Variants in RMND5B observed in about 807,000 individuals in gnomAD.
RMND5B encodes the protein E3 ubiquitin-protein transferase RMND5B.
In RMND5B, 42 loss-of-function variants were observed where a neutral mutation model predicts 50.4. That is an observed-to-expected ratio of 0.83 (90% CI 0.65 to 1.08). RMND5B has a LOEUF of 1.08. Among genes scored for constraint, RMND5B ranks in the 50% least tolerant of loss-of-function variants. The pLI is 0.00. For synonymous variants in RMND5B, 220 were observed against 210.0 expected (o/e 1.05, Z -0.41); for missense variants, 463 against 508.5 (o/e 0.91, Z 0.86).
chr5:178,148,318 C>A lies in RMND5B; in HGVS notation c.*286C>A. The A allele has an allele frequency of 2.1e-6, 1 of 487,580 alleles. No homozygotes were observed. 30.2% of individuals were successfully genotyped at this position (487,580 alleles called of 1,614,324 possible). A position where few individuals can be genotyped will look rare whatever the true frequency, so the allele number is the denominator to read the frequency against. On this transcript the variant is annotated 3_prime_UTR_variant, in exon 11 of 11. Transcript: ENST00000313386. Reference sequence around the variant, plus strand: ...TTGCGTTTGACTTAGTAGCAACCGACAGAGTGGCAAGGGATTTGGTCTTCA... The same window carrying A: ...TTGCGTTTGACTTAGTAGCAACCGAAAGAGTGGCAAGGGATTTGGTCTTCA...
intron 2 of RMND5B, among the ~76,000 whole-genome samples, chr5:178,132,386 A>G (rs1257705956): frequency 6.6e-6 from 1 of 152,160 alleles, no homozygotes; most frequent in Non-Finnish European, 1.5e-5. Flanking sequence ...GGTTGCAATG[A>G]GCCAAGATCG....
rs1407797929 is a variant in RMND5B at position 178,137,061 on chromosome 5, G to A, written c.-12-1047G>A. Among the ~76,000 whole-genome samples the A allele has an allele frequency of 6.6e-6, 1 of 152,170 alleles. No homozygotes were observed. Among genetic ancestry groups the A allele is most frequent in the African/African-American group, 2.4e-5 (1 of 41,420 alleles). ...CAGGCTAGAGACAGCTGCTGAAGAC[G>A]CTGACGTCTGAGCTAACTCAGAAGT... On this transcript the variant is annotated intron_variant, in intron 2 of 10. Transcript: ENST00000313386. This position sits in a 1 kb window ranked among gnomAD's most constrained non-coding sequence, Gnocchi z 4.4.
chr5:178,147,884 G>A lies in RMND5B; in HGVS notation c.1118+1G>A. 1.9e-6 allele frequency: 3 copies of A among 1,614,128 alleles called. No homozygotes were observed. The South Asian group carries it at 3.3e-5, about 18-fold the overall frequency. On this transcript the variant is annotated splice_donor_variant, in intron 10 of 10. Coordinates refer to ENST00000313386, the MANE Select transcript of RMND5B (RefSeq NM_022762.5). LOFTEE classifies it high-confidence loss of function. ...TCAATAAGCTCATTAATGGAGGAAA[G>A]TAAGTTCCCCGTGCTCTACTCCACC...
At position 178,150,108 on chromosome 5, in the gene RMND5B, C is replaced by T; in HGVS notation, c.*2076C>T. The T allele has an allele frequency of 2.8e-6, 1 of 361,640 alleles. No homozygotes were observed. Among genetic ancestry groups the T allele is most frequent in the Non-Finnish European group, 5.1e-6 (1 of 194,770 alleles). The allele number at this position is 361,640 out of a possible 1,614,324, so 22.4% of individuals were successfully genotyped here. ...GGGCTGTCCCGGTCCCTGCCACCCC[C>T]ACTTCCTGTGCCTCAGATCTGGCCC... On this transcript the variant is annotated 3_prime_UTR_variant, in exon 11 of 11. Coordinates refer to ENST00000313386, the MANE Select transcript of RMND5B (RefSeq NM_022762.5).
In RMND5B at chr5:178,149,468, G is replaced by A; in HGVS notation, c.*1436G>A. The A allele has an allele frequency of 2.1e-6, 1 of 485,648 alleles. No individual in the cohort carries two copies. Among genetic ancestry groups the A allele is most frequent in the Non-Finnish European group, 3.8e-6 (1 of 262,412 alleles). The allele number at this position is 485,648 out of a possible 1,614,324, so 30.1% of individuals were successfully genotyped here. Reference sequence around the variant, plus strand: ...ACACCCACAGACTCACCACATTTTAGTCTTAGCATTTACTTTCCCCACCCC... The same window carrying A: ...ACACCCACAGACTCACCACATTTTAATCTTAGCATTTACTTTCCCCACCCC... On this transcript the variant is annotated 3_prime_UTR_variant, in exon 11 of 11. Transcript: ENST00000313386.
chr5:178,149,914 C>T lies in RMND5B; in HGVS notation c.*1882C>T. On this transcript the variant is annotated 3_prime_UTR_variant, in exon 11 of 11. Transcript: ENST00000313386. ...GCCAGGAAGTCACCAACTGATGACCCACCAGCCTAATCTGGCCCACAACCA... is the reference window on the plus strand; with the variant it reads ...GCCAGGAAGTCACCAACTGATGACCTACCAGCCTAATCTGGCCCACAACCA... The T allele has an allele frequency of 1.3e-6, 2 of 1,534,324 alleles. No individual in the cohort carries two copies. Among genetic ancestry groups the T allele is most frequent in the Non-Finnish European group, 1.8e-6 (2 of 1,118,472 alleles).
At chr5:178,145,775 A>G (rs112730404) in intron 7 of RMND5B, among the ~76,000 whole-genome samples, 1,620 of 152,312 alleles carry the variant, frequency 0.011, 26 homozygotes, top group African/African-American at 0.037. Flanking sequence ...GTTGCTCTAA[A>G]TGGAGATTAG....
intron 7 of RMND5B, 124 bp from the exon 8 acceptor site, chr5:178,145,990 T>A: frequency 1.1e-6 from 1 of 945,616 alleles, no homozygotes; most frequent in Non-Finnish European, 1.5e-6. Flanking sequence ...CTGCTCAGTC[T>A]CCTCAGGGGC....
chr5:178,146,338 T>C (rs1374514903), intron 8 of RMND5B, 59 bp downstream of exon 8: 1 of 1,529,206 alleles, frequency 6.5e-7, no homozygotes, highest in Non-Finnish European at 9.0e-7. Context: ...AATCATCATT[T>C]GCCAAGGCCC....
chr5:178,131,185 T>G (rs1445824889), intron 1 of RMND5B, 52 bp from the exon 2 acceptor site: 2 of 152,130 alleles, frequency 1.3e-5, no homozygotes, highest in African/African-American at 4.8e-5. Context: ...GAACCCCTGC[T>G]ACCCACGACT....
chr5:178,132,544 A>G (rs1758372015), intron 2 of RMND5B, among the ~76,000 whole-genome samples: 1 of 151,904 alleles, frequency 6.6e-6, no homozygotes, highest in Non-Finnish European at 1.5e-5. Flanking sequence ...AAGGCCCTGC[A>G]TGGACCACTT....
chr5:178,134,084 A>C (rs926466066), intron 2 of RMND5B, among the ~76,000 whole-genome samples: 1 of 152,212 alleles, frequency 6.6e-6, no homozygotes, highest in Non-Finnish European at 1.5e-5. Context: ...GGGAGAAAGG[A>C]CAAGACTACA....
chr5:178,138,198 C>T lies in RMND5B; in HGVS notation c.79C>T (p.Arg27Trp), dbSNP rs978627661. The T allele has an allele frequency of 1.7e-5, 28 of 1,613,774 alleles. No homozygotes were observed. Among genetic ancestry groups the T allele is most frequent in the Admixed American group, 6.7e-5 (4 of 59,960 alleles). Residue 27 changes from arginine (R) to tryptophan (W), a missense_variant, in exon 3 of 11, where the codon CGG (arginine) becomes TGG (tryptophan). Arg to Trp is a moderately radical substitution (Grantham distance 101, BLOSUM62 -3). Transcript: ENST00000313386. This position sits in a 1 kb window ranked among gnomAD's most constrained non-coding sequence, Gnocchi z 5.1. ...KFLTYGQHCE[R>W]SLEELLHYVG... ...CCTGACCTACGGGCAGCACTGTGAG[C>T]GGAGCCTGGAGGAGCTGCTGCACTA...
In RMND5B at chr5:178,138,320, G is replaced by T; in HGVS notation, c.139+62G>T. The T allele has an allele frequency of 6.3e-7, 1 of 1,582,676 alleles. No individual in the cohort carries two copies. Among genetic ancestry groups the T allele is most frequent in the Admixed American group, 1.8e-5 (1 of 55,874 alleles). On this transcript the variant is annotated intron_variant, in intron 3 of 10. Transcript: ENST00000313386. This position sits in a 1 kb window ranked among gnomAD's most constrained non-coding sequence, Gnocchi z 5.1. The stretch of plus-strand genomic sequence containing the variant: ...TCCCTGAGGACATGGGAGACCCGAA[G>T]CTACTGAGTGACAGGGTTCCGGAAG...
rs765418016 is a variant in RMND5B, at chr5:178,147,749, G to A, written c.984G>A (p.Met328Ile). ...CCCAGATTGAGATTGAACTAGGCATGAAGTGCTGGTACCACTCCGTGTTCG... is the reference window on the plus strand; with the variant it reads ...CCCAGATTGAGATTGAACTAGGCATAAAGTGCTGGTACCACTCCGTGTTCG... ...DELPIEIELGMKCWYHSVFAC... is the reference protein window; with the variant it reads ...DELPIEIELGIKCWYHSVFAC... The change falls in exon 10 of 11, where the codon ATG becomes ATA. Residue 328 changes from methionine to isoleucine, a missense_variant. Met to Ile is a conservative substitution (Grantham distance 10). Coordinates refer to ENST00000313386, the MANE Select transcript of RMND5B (RefSeq NM_022762.5). 6.2e-7 allele frequency: 1 copy of A among 1,614,192 alleles called. No homozygotes were observed. Among genetic ancestry groups the A allele is most frequent in the Non-Finnish European group, 8.5e-7 (1 of 1,180,036 alleles).
At chr5:178,145,696 C>T (rs549803330) in intron 7 of RMND5B, among the ~76,000 whole-genome samples, 185 of 152,274 alleles carry the variant, frequency 1.2e-3, no homozygotes, top group African/African-American at 4.3e-3. Context: ...TGAGCCACCA[C>T]GCCCGGCCCC....
rs61751560 is a variant in RMND5B at position 178,142,968 on chromosome 5, C to G, written c.402C>G (p.Leu134=). Reference sequence around the variant, plus strand: ...AACACCTGTATCAGCAGGGCATGCTCAGCGTGGCCGAGGAGCTGTGCCAGG... The same window carrying G: ...AACACCTGTATCAGCAGGGCATGCTGAGCGTGGCCGAGGAGCTGTGCCAGG... ...IVEHLYQQGM[L]SVAEELCQES... Residue 134 remains leucine (L), a synonymous_variant, in exon 5 of 11, where the codon CTC becomes CTG. Transcript: ENST00000313386. The G allele has an allele frequency of 0.025, 39,649 of 1,613,902 alleles. 543 individuals carry two copies. Among genetic ancestry groups the G allele is most frequent in the Middle Eastern group, 0.057 (346 of 6,060 alleles).
chr5:178,131,720 T>G (rs1288714671), intron 2 of RMND5B, among the ~76,000 whole-genome samples: 1 of 152,012 alleles, frequency 6.6e-6, no homozygotes, highest in East Asian at 1.9e-4. Context: ...GGAGGCAGGC[T>G]TAGGAAGATA....
rs148340821 is a variant in RMND5B at position 178,147,179 on chromosome 5, A to G, written c.861-354A>G. On this transcript the variant is annotated intron_variant, in intron 8 of 10. Coordinates refer to ENST00000313386, the MANE Select transcript of RMND5B (RefSeq NM_022762.5). ...TTATAAAGATGTGTTATGACTACACAGCAGGGTACGTCCTACAGGCAGGCT... is the reference window on the plus strand; with the variant it reads ...TTATAAAGATGTGTTATGACTACACGGCAGGGTACGTCCTACAGGCAGGCT... 1.8e-4 allele frequency: 50 copies of G among 273,926 alleles called. 2 individuals are homozygous for G. The East Asian group carries it at 4.2e-3, about 23-fold the overall frequency. The allele number at this position is 273,926 out of a possible 1,614,324, so 17.0% of individuals were successfully genotyped here.
Sources: allele counts gnomAD v4.1 joint callset (sites outside exome capture counted in the v4.1 genomes callset), GRCh38; gene constraint gnomAD v4.1.1; non-coding constraint Gnocchi (gnomAD v3.1); transcripts MANE v1.5; gene names NCBI Gene and HGNC (gene_info 2026-07-23, HGNC 2026-07-21).